SLC2A13: variants seen among roughly 807,000 people sequenced by gnomAD.
SLC2A13 encodes solute carrier family 2 member 13.
Under a neutral mutation model 64.4 loss-of-function variants are expected in SLC2A13, and 32 were observed. That is an observed-to-expected ratio of 0.50 (90% confidence interval 0.37 to 0.67). The LOEUF is 0.67. SLC2A13 is among the 30% of genes least tolerant of loss of function. SLC2A13 has a pLI of 0.00. For synonymous variants in SLC2A13, 338 were observed against 327.1 expected (o/e 1.03, Z -0.36); for missense variants, 743 against 829.2 (o/e 0.90, Z 1.28).
intron 4 of SLC2A13, among the ~76,000 whole-genome samples, chr12:39,942,732 T>C (rs12314239): frequency 0.021 from 3,203 of 152,312 alleles, 109 homozygotes; most frequent in African/African-American, 0.072. Context: ...AGTTTGTTAT[T>C]ATCCACCTTC....
At chr12:39,961,718 C>A (rs1222086533) in intron 3 of SLC2A13, among the ~76,000 whole-genome samples, 1 of 151,818 alleles carries the variant, frequency 6.6e-6, no homozygotes, top group East Asian at 2.0e-4. Context: ...CCAGGCTGGT[C>A]TCAAACTCCT....
At chr12:39,783,138 G>T (rs1941057661) in intron 7 of SLC2A13, among the ~76,000 whole-genome samples, 1 of 152,144 alleles carries the variant, frequency 6.6e-6, no homozygotes, top group Admixed American at 6.5e-5. Context: ...TTATGTCCTT[G>T]TGATAGTTTG....
intron 4 of SLC2A13, among the ~76,000 whole-genome samples, chr12:39,899,312 G>A (rs1364775745): frequency 1.3e-5 from 2 of 152,132 alleles, no homozygotes; most frequent in East Asian, 3.8e-4. Context: ...GTATTTCTGT[G>A]GGATTGGTGG....
intron 1 of SLC2A13, among the ~76,000 whole-genome samples, chr12:40,092,723 C>G (rs951463853): frequency 6.6e-6 from 1 of 152,196 alleles, no homozygotes; most frequent in African/African-American, 2.4e-5. Flanking sequence ...ATTTCAACTT[C>G]CGTATCTCCA....
At chr12:39,809,806 C>A (rs1942091385) in intron 7 of SLC2A13, among the ~76,000 whole-genome samples, 2 of 152,214 alleles carry the variant, frequency 1.3e-5, no homozygotes, top group South Asian at 4.1e-4. Flanking sequence ...TGGTTTCCAG[C>A]TTCATCCATG....
At chr12:40,070,293 A>T (rs1937904020) in intron 1 of SLC2A13, among the ~76,000 whole-genome samples, 1 of 152,120 alleles carries the variant, frequency 6.6e-6, no homozygotes, top group Non-Finnish European at 1.5e-5. Flanking sequence ...AAAGAACATG[A>T]ACATTTATCA....
At chr12:40,016,297 T>C (rs1196261479) in intron 3 of SLC2A13, among the ~76,000 whole-genome samples, 2 of 152,222 alleles carry the variant, frequency 1.3e-5, no homozygotes, top group Non-Finnish European at 2.9e-5. Flanking sequence ...ATGCCACCTG[T>C]GTTTTCAGTA....
intron 3 of SLC2A13, among the ~76,000 whole-genome samples, chr12:39,989,021 T>C (rs1462671204): frequency 6.6e-6 from 1 of 152,204 alleles, no homozygotes; most frequent in Admixed American, 6.5e-5. Flanking sequence ...TCACTCCATG[T>C]ACTCTGAGCG....
At chr12:39,864,069 G>A (rs754426561) in intron 6 of SLC2A13, among the ~76,000 whole-genome samples, 52 of 152,172 alleles carry the variant, frequency 3.4e-4, no homozygotes, top group Admixed American at 2.6e-3. Flanking sequence ...AAACTTTGAA[G>A]CTCTGCTGCC....
At chr12:39,830,250 C>A in intron 6 of SLC2A13, 22 bp from the exon 7 acceptor site, 3 of 1,607,254 alleles carry the variant, frequency 1.9e-6, no homozygotes, top group Non-Finnish European at 1.7e-6. Flanking sequence ...AAAGAGTTAC[C>A]GTCATGTTGG....
At chr12:39,841,302 C>T (rs191653347) in intron 6 of SLC2A13, among the ~76,000 whole-genome samples, 16 of 152,148 alleles carry the variant, frequency 1.1e-4, no homozygotes, top group Admixed American at 8.5e-4. Flanking sequence ...TATTTTAGGC[C>T]GGAATTTCTA....
chr12:40,082,260 TAAGA>T (rs1938432265), intron 1 of SLC2A13, among the ~76,000 whole-genome samples: 1 of 152,206 alleles, frequency 6.6e-6, no homozygotes, highest in Admixed American at 6.5e-5. Context: ...GCCAGGAGGT[TAAGA>T]AAGATGATAC....
intron 3 of SLC2A13, among the ~76,000 whole-genome samples, chr12:40,005,114 T>C (rs992390384): frequency 6.6e-6 from 1 of 152,244 alleles, no homozygotes; most frequent in African/African-American, 2.4e-5. Flanking sequence ...CAAAGACACA[T>C]TTTTGCTAGA....
At chr12:39,985,835 C>G (rs945029750) in intron 3 of SLC2A13, among the ~76,000 whole-genome samples, 1 of 152,028 alleles carries the variant, frequency 6.6e-6, no homozygotes, top group Non-Finnish European at 1.5e-5. Context: ...CATATCATAC[C>G]TCCTTCAATA....
intron 2 of SLC2A13, among the ~76,000 whole-genome samples, chr12:40,042,329 T>C (rs1209833701): frequency 6.6e-6 from 1 of 152,070 alleles, no homozygotes; most frequent in African/African-American, 2.4e-5. Context: ...CCTATCCCTA[T>C]TAATACAAAT....
At chr12:39,983,263 C>A (rs1395786752) in intron 3 of SLC2A13, among the ~76,000 whole-genome samples, 1 of 133,180 alleles carries the variant, frequency 7.5e-6, no homozygotes, top group Non-Finnish European at 1.6e-5. Flanking sequence ...AGGACATAGG[C>A]GTGGGCAAGG....
intron 3 of SLC2A13, among the ~76,000 whole-genome samples, 179 bp from the exon 4 acceptor site, chr12:39,951,544 T>C (rs995003504): frequency 1.3e-5 from 2 of 152,182 alleles, no homozygotes; most frequent in Admixed American, 6.5e-5. Context: ...TGCAAACAGA[T>C]AGTGTTTTTG....
chr12:39,955,713 A>G (rs1946303608), intron 3 of SLC2A13, among the ~76,000 whole-genome samples: 1 of 152,128 alleles, frequency 6.6e-6, no homozygotes, highest in Non-Finnish European at 1.5e-5. Context: ...GTTTTCCCTA[A>G]ATGCAATCAC....
At chr12:39,821,484 T>A (rs948001587) in intron 7 of SLC2A13, among the ~76,000 whole-genome samples, 1 of 152,030 alleles carries the variant, frequency 6.6e-6, no homozygotes, top group African/African-American at 2.4e-5. Flanking sequence ...CAGAAGAGAA[T>A]AGATTATGTC....
Sources: gnomAD v4.1 joint callset for allele counts (sites outside exome capture counted in the v4.1 genomes callset) on GRCh38, gnomAD v4.1.1 for gene constraint, MANE v1.5 for transcripts, NCBI Gene and HGNC (gene_info 2026-07-23, HGNC 2026-07-21) for gene names.